WDR25: variants seen among roughly 807,000 people sequenced by gnomAD.
WDR25 encodes the protein WD repeat-containing protein 25.
WDR25 carries 35 observed loss-of-function variants against 47.7 expected under a neutral mutation model. The observed-to-expected ratio is 0.73, with a 90% CI of 0.56 to 0.97. WDR25 has a LOEUF of 0.97. Ranked by LOEUF, WDR25 falls within the 50% of genes least tolerant of loss-of-function variation. WDR25 has a pLI of 0.00. For synonymous variants in WDR25, 248 were observed against 278.9 expected (o/e 0.89, Z 1.10); for missense variants, 634 against 704.7 (o/e 0.90, Z 1.14).
rs1900463316 is a variant in WDR25, at chr14:100,488,622, AT to A, written c.1101+4500del. 6.6e-6 allele frequency among the ~76,000 whole-genome samples: 1 copy of A among 152,156 alleles called. No homozygotes were observed. The highest frequency in any genetic ancestry group is 1.5e-5 in the Non-Finnish European group (1 of 68,018). On this transcript the variant is annotated intron_variant, in intron 4 of 6. Coordinates refer to ENST00000402312, the MANE Select transcript of WDR25 (RefSeq NM_001161476.3). The surrounding 1 kb of genome is among the most constrained non-coding windows in gnomAD (Gnocchi z 4.2). ...CACCTGGGCTCTTGTTAGGATGCAG[AT>A]TCTGTTTCAGCAGGTCCAGGTTGGG...
intron 2 of WDR25, among the ~76,000 whole-genome samples, chr14:100,447,423 G>C (rs113088443): frequency 6.6e-6 from 1 of 152,354 alleles, no homozygotes; most frequent in South Asian, 2.1e-4. Flanking sequence ...AGGCGTGGGC[G>C]TGCCAGCCTT....
At chr14:100,454,768 C>A (rs1033738159) in intron 2 of WDR25, 2 of 294,130 alleles carry the variant, frequency 6.8e-6, no homozygotes, top group Non-Finnish European at 1.3e-5. Context: ...GTAACCACAG[C>A]AGCTGGAAAG....
chr14:100,386,753 C>T (rs1218220580), intron 2 of WDR25, among the ~76,000 whole-genome samples: 4 of 151,938 alleles, frequency 2.6e-5, no homozygotes, highest in East Asian at 3.9e-4. Flanking sequence ...ATTAGCCGGG[C>T]GCGGTGGTGG....
chr14:100,527,798 C>T (rs777999684), intron 5 of WDR25, among the ~76,000 whole-genome samples: 2 of 152,356 alleles, frequency 1.3e-5, no homozygotes, highest in South Asian at 2.1e-4. Context: ...GCCTCTGTGC[C>T]TCTGATGGCC....
intron 2 of WDR25, among the ~76,000 whole-genome samples, chr14:100,403,588 GC>G (rs1385372752): frequency 6.6e-6 from 1 of 152,244 alleles, no homozygotes; most frequent in Non-Finnish European, 1.5e-5. Context: ...CCTGAGTAGT[GC>G]CCAGAGCTTA....
chr14:100,448,693 C>T lies in WDR25; in HGVS notation c.823-19328C>T, dbSNP rs116224071. Among the ~76,000 whole-genome samples the T allele has an allele frequency of 8.3e-3, 1,262 of 152,040 alleles. 19 individuals are homozygous for T. Among genetic ancestry groups the T allele is most frequent in the African/African-American group, 0.029 (1,213 of 41,440 alleles). On this transcript the variant is annotated intron_variant, in intron 2 of 6. Coordinates refer to ENST00000402312, the MANE Select transcript of WDR25 (RefSeq NM_001161476.3). ...CATAGCCTTGTGGTGGTGATGGGGT[C>T]ATTATAAAAATGCATTGTTTCTTTC...
chr14:100,462,031 T>C (rs1185261067), intron 2 of WDR25, among the ~76,000 whole-genome samples: 1 of 152,152 alleles, frequency 6.6e-6, no homozygotes, highest in Non-Finnish European at 1.5e-5. Flanking sequence ...CTGTATAGTT[T>C]GAATAATTTA....
At chr14:100,491,747 T>C (rs1163968469) in intron 4 of WDR25, among the ~76,000 whole-genome samples, 4 of 152,352 alleles carry the variant, frequency 2.6e-5, no homozygotes, top group South Asian at 4.1e-4. Context: ...GGCATTCACA[T>C]GCTCACTGAG....
intron 2 of WDR25, among the ~76,000 whole-genome samples, chr14:100,437,520 C>G (rs1472341132): frequency 1.3e-5 from 2 of 152,202 alleles, no homozygotes; most frequent in Non-Finnish European, 2.9e-5. Flanking sequence ...TGCTTAACTT[C>G]TGGCAGCCTT....
At chr14:100,518,480 T>C (rs1566946030) in intron 4 of WDR25, among the ~76,000 whole-genome samples, 1 of 151,994 alleles carries the variant, frequency 6.6e-6, no homozygotes, top group Non-Finnish European at 1.5e-5. Flanking sequence ...TTTTAATTTA[T>C]CCTCTTTGTG....
At chr14:100,455,697 A>G (rs907333394) in intron 2 of WDR25, among the ~76,000 whole-genome samples, 9 of 152,222 alleles carry the variant, frequency 5.9e-5, no homozygotes, top group African/African-American at 2.2e-4. Context: ...CATGTGAAAA[A>G]CTACTCACTC....
At chr14:100,496,844 T>C (rs1253988755) in intron 4 of WDR25, among the ~76,000 whole-genome samples, 1 of 137,678 alleles carries the variant, frequency 7.3e-6, no homozygotes, top group African/African-American at 2.7e-5. Context: ...TTTTTTTTTT[T>C]TTTTTTTTGG....
intron 2 of WDR25, among the ~76,000 whole-genome samples, chr14:100,385,050 G>T (rs1896988471): frequency 6.6e-6 from 1 of 152,194 alleles, no homozygotes; most frequent in South Asian, 2.1e-4. Context: ...GGCACTTAGT[G>T]TGTGCTCGAG....
chr14:100,412,876 C>T (rs1447222375), intron 2 of WDR25, among the ~76,000 whole-genome samples: 1 of 152,206 alleles, frequency 6.6e-6, no homozygotes, highest in Non-Finnish European at 1.5e-5. Context: ...GTTGCCCAGG[C>T]TGGAGTACAG....
intron 3 of WDR25, among the ~76,000 whole-genome samples, chr14:100,474,130 C>T (rs1899939855): frequency 6.6e-6 from 1 of 152,168 alleles, no homozygotes; most frequent in Non-Finnish European, 1.5e-5. Context: ...ACTTTCTTGC[C>T]CACTTGTGAG....
chr14:100,463,516 G>A (rs1184433744), intron 2 of WDR25, among the ~76,000 whole-genome samples: 1 of 152,090 alleles, frequency 6.6e-6, no homozygotes, highest in Non-Finnish European at 1.5e-5. Flanking sequence ...TGTGAAACTT[G>A]GAGGCCTGGG....
intron 2 of WDR25, among the ~76,000 whole-genome samples, chr14:100,448,659 T>C (rs1898921397): frequency 6.6e-6 from 1 of 152,110 alleles, no homozygotes; most frequent in Non-Finnish European, 1.5e-5. Context: ...TGTGGCAGTC[T>C]AGATAAACCA....
chr14:100,469,232 T>C (rs1899746588), intron 3 of WDR25, among the ~76,000 whole-genome samples: 2 of 152,086 alleles, frequency 1.3e-5, no homozygotes, highest in African/African-American at 4.8e-5. Flanking sequence ...CTGCCACTCA[T>C]GCCCAGCAGC....
chr14:100,397,824 C>T (rs1897293186), intron 2 of WDR25, among the ~76,000 whole-genome samples: 1 of 152,190 alleles, frequency 6.6e-6, no homozygotes, highest in Non-Finnish European at 1.5e-5. Flanking sequence ...GCATGAGGAG[C>T]AAGACAGGCT....
Sources: gnomAD v4.1 joint callset for allele counts (sites outside exome capture counted in the v4.1 genomes callset) on GRCh38, gnomAD v4.1.1 for gene constraint, Gnocchi (gnomAD v3.1) non-coding constraint, MANE v1.5 for transcripts, NCBI Gene and HGNC (gene_info 2026-07-23, HGNC 2026-07-21) for gene names.